MYT1L: variants seen among roughly 807,000 people sequenced by gnomAD.
MYT1L encodes the protein myelin transcription factor 1 like.
Under a neutral mutation model 126.7 loss-of-function variants are expected in MYT1L, and 12 were observed. That is an observed-to-expected ratio of 0.09 (90% CI 0.06 to 0.15). The LOEUF (loss-of-function observed/expected upper bound fraction) is 0.15. Ranked by LOEUF, MYT1L falls within the 10% of genes least tolerant of loss-of-function variation. The pLI is 1.00. For synonymous variants in MYT1L, 541 were observed against 604.2 expected, an observed-to-expected ratio of 0.90 and a Z score of 1.53; for missense variants, 979 against 1,585.2, an observed-to-expected ratio of 0.62 and a Z score of 6.49.
chr2:2,132,151 C>T (rs1299037505), intron 3 of MYT1L, among the ~76,000 whole-genome samples: 2 of 151,776 alleles, frequency 1.3e-5, no homozygotes, highest in Non-Finnish European at 2.9e-5. Flanking sequence ...TCATGATCTG[C>T]CCACCTTGAC....
chr2:1,867,017 A>G (rs1573014736), intron 18 of MYT1L, among the ~76,000 whole-genome samples: 4 of 95,062 alleles, frequency 4.2e-5, no homozygotes, highest in East Asian at 3.7e-4. Context: ...CTAGAGAGGG[A>G]TGGGGGAGAG....
intron 3 of MYT1L, among the ~76,000 whole-genome samples, chr2:2,131,561 C>T (rs1360331765): frequency 1.3e-5 from 2 of 152,130 alleles, no homozygotes; most frequent in Admixed American, 6.5e-5. Context: ...GATGACAAAG[C>T]ACATTAGTAA....
At chr2:1,902,989 C>A (rs544212886) in intron 14 of MYT1L, 91 bp downstream of exon 14, 2 of 1,235,214 alleles carry the variant, frequency 1.6e-6, no homozygotes, top group Non-Finnish European at 2.4e-6. Flanking sequence ...TGACCACCAC[C>A]GCTCAACTAA....
chr2:2,272,804 A>C (rs1197661089), intron 2 of MYT1L, among the ~76,000 whole-genome samples: 4 of 152,064 alleles, frequency 2.6e-5, no homozygotes, highest in Non-Finnish European at 5.9e-5. Context: ...TGCTCGGAGG[A>C]ACTCTTGGAA....
chr2:1,796,088 T>C (rs1389606774), intron 23 of MYT1L, among the ~76,000 whole-genome samples: 1 of 152,348 alleles, frequency 6.6e-6, no homozygotes, highest in East Asian at 1.9e-4. Context: ...TAAGAGCTAT[T>C]AAATTCCGAC....
intron 4 of MYT1L, among the ~76,000 whole-genome samples, chr2:2,003,187 C>T (rs945998896): frequency 6.6e-6 from 1 of 152,130 alleles, no homozygotes; most frequent in Admixed American, 6.5e-5. Context: ...ATTCCCATGG[C>T]CTGCTCTGCA....
intron 3 of MYT1L, among the ~76,000 whole-genome samples, chr2:2,064,700 TATAAC>T (rs1164383466): frequency 6.6e-6 from 1 of 152,236 alleles, no homozygotes; most frequent in East Asian, 1.9e-4. Flanking sequence ...TTATGAAACA[TATAAC>T]ATATCTAATA....
At chr2:2,311,099 T>C (rs2095961848) in intron 1 of MYT1L, among the ~76,000 whole-genome samples, 1 of 152,150 alleles carries the variant, frequency 6.6e-6, no homozygotes, top group African/African-American at 2.4e-5. Context: ...TTTCTTGTGG[T>C]CCCTCCAGAC....
intron 23 of MYT1L, 47 bp from the exon 24 acceptor site, chr2:1,792,511 G>A: frequency 6.3e-7 from 1 of 1,583,372 alleles, no homozygotes; most frequent in South Asian, 1.1e-5. Context: ...GAGGACCTAG[G>A]AGCGCGTGGT....
chr2:2,116,825 C>T (rs1220598182), intron 3 of MYT1L, among the ~76,000 whole-genome samples: 4 of 152,234 alleles, frequency 2.6e-5, no homozygotes, highest in African/African-American at 4.8e-5. Context: ...GGAGGTGCAG[C>T]CAACCCTCAC....
At chr2:2,088,816 A>G (rs2076614250) in intron 3 of MYT1L, among the ~76,000 whole-genome samples, 1 of 152,238 alleles carries the variant, frequency 6.6e-6, no homozygotes, top group Non-Finnish European at 1.5e-5. Context: ...TGAGGTTTGT[A>G]TCCTATTAAA....
chr2:2,250,548 G>A (rs1219411682), intron 2 of MYT1L, among the ~76,000 whole-genome samples: 1 of 147,546 alleles, frequency 6.8e-6, no homozygotes, highest in African/African-American at 2.5e-5. Flanking sequence ...AAGTGGGGAT[G>A]GTGAAAGGGT....
chr2:2,231,266 C>T (rs1178525689), intron 2 of MYT1L, among the ~76,000 whole-genome samples: 1 of 152,086 alleles, frequency 6.6e-6, no homozygotes, highest in Non-Finnish European at 1.5e-5. Flanking sequence ...TTCTGCCCTA[C>T]CCATATTCAC....
At chr2:2,202,383 A>C (rs2093119454) in intron 2 of MYT1L, among the ~76,000 whole-genome samples, 1 of 152,214 alleles carries the variant, frequency 6.6e-6, no homozygotes, top group South Asian at 2.1e-4. Context: ...AGCAAGACTA[A>C]TAAAGAAGAA....
intron 3 of MYT1L, among the ~76,000 whole-genome samples, chr2:2,090,856 C>T (rs1420779982): frequency 3.9e-5 from 6 of 152,180 alleles, no homozygotes; most frequent in South Asian, 2.1e-4. Flanking sequence ...AAGTAGATTC[C>T]GTCTCAAGAA....
In MYT1L at chr2:1,950,769, C is replaced by T. The variant is rs149360656; in HGVS notation, c.153-7435G>A. On this transcript the variant is annotated intron_variant, in intron 8 of 24. Coordinates refer to ENST00000647738, the MANE Select transcript of MYT1L (RefSeq NM_001303052.2). ...CCCAGGTGCTGTTCCTCCTAGGAGCCGTGGGAGCTCCGGACAGTGTAGACA... is the reference window on the plus strand; with the variant it reads ...CCCAGGTGCTGTTCCTCCTAGGAGCTGTGGGAGCTCCGGACAGTGTAGACA... Among the ~76,000 whole-genome samples, 233 of 152,218 alleles carry T rather than the reference C, an allele frequency of 1.5e-3. 2 individuals carry two copies. The highest frequency in any genetic ancestry group is 2.1e-3 in the Non-Finnish European group (144 of 68,008).
At position 2,079,294 on chromosome 2, in the gene MYT1L, G is replaced by A. The variant is rs961231851; in HGVS notation, c.-303-25171C>T. On this transcript the variant is annotated intron_variant, in intron 3 of 24. Coordinates refer to ENST00000647738, the MANE Select transcript of MYT1L (RefSeq NM_001303052.2). ...TCTGGAAATAAATTTAACAAAAGAA[G>A]TTCAAGACATGTATACTAAAAGCTA... Among the ~76,000 whole-genome samples the A allele has an allele frequency of 3.3e-5, 5 of 152,066 alleles. No individual in the cohort carries two copies. The East Asian group carries it at 5.8e-4, about 18-fold the overall frequency.
At chr2:2,081,252 G>A (rs561901254) in intron 3 of MYT1L, among the ~76,000 whole-genome samples, 30 of 152,296 alleles carry the variant, frequency 2.0e-4, no homozygotes, top group African/African-American at 7.0e-4. Context: ...TCTGTAGAGA[G>A]AGCAAAGGGA....
chr2:2,228,063 T>C lies in MYT1L; in HGVS notation c.-420-55075A>G, dbSNP rs1298919894. Among the ~76,000 whole-genome samples the C allele has an allele frequency of 1.3e-5, 2 of 152,164 alleles. No individual in the cohort carries two copies. The highest frequency in any genetic ancestry group is 2.4e-5 in the African/African-American group (1 of 41,448). ...CAAGTAGCTCATAACGGCTAGTAAA[T>C]GCCTAGGGTTGAATATAAGTTTGTT... On this transcript the variant is annotated intron_variant, in intron 2 of 24. Transcript: ENST00000647738. The surrounding 1 kb of genome is among the most constrained non-coding windows in gnomAD (Gnocchi z 5.9).
Sources: allele counts gnomAD v4.1 joint callset (sites outside exome capture counted in the v4.1 genomes callset), GRCh38; gene constraint gnomAD v4.1.1; non-coding constraint Gnocchi (gnomAD v3.1); transcripts MANE v1.5; gene names NCBI Gene and HGNC (gene_info 2026-07-23, HGNC 2026-07-21).